Variants in PCDH15 observed in about 807,000 individuals in gnomAD.
PCDH15 encodes protocadherin-15.
In PCDH15, 129 loss-of-function variants were observed where a neutral mutation model predicts 178.5. That is an observed-to-expected ratio of 0.72 (90% confidence interval 0.63 to 0.84). The LOEUF is 0.84. Among genes scored for constraint, PCDH15 ranks in the 40% least tolerant of loss-of-function variants. The pLI is 0.00. For synonymous variants in PCDH15, 800 were observed against 732.0 expected (o/e 1.09, Z -1.50); for missense variants, 2,230 against 2,099.9 (o/e 1.06, Z -1.21).
chr10:54,049,945 T>C (rs2093732561), intron 18 of PCDH15, among the ~76,000 whole-genome samples: 1 of 152,188 alleles, frequency 6.6e-6, no homozygotes, highest in Non-Finnish European at 1.5e-5. Context: ...CTTTTTAGTA[T>C]GCTGTGAAAT....
At chr10:53,955,929 C>T (rs1372295571) in intron 23 of PCDH15, among the ~76,000 whole-genome samples, 1 of 152,070 alleles carries the variant, frequency 6.6e-6, no homozygotes, top group Non-Finnish European at 1.5e-5. Context: ...GTGTGTTGGC[C>T]TCTAAAGCAG....
At chr10:54,482,318 T>G (rs980911270) in intron 3 of PCDH15, among the ~76,000 whole-genome samples, 2 of 151,730 alleles carry the variant, frequency 1.3e-5, no homozygotes, top group Non-Finnish European at 2.9e-5. Flanking sequence ...CTGAAAAGGG[T>G]GAGTGCAATG....
intron 13 of PCDH15, 108 bp from the exon 14 acceptor site, chr10:54,153,401 A>G: frequency 8.0e-7 from 1 of 1,255,062 alleles, no homozygotes; most frequent in Non-Finnish European, 1.1e-6. Context: ...AAAACACAGG[A>G]AAGTTTCCTT....
chr10:54,021,375 C>A (rs1330566971), intron 19 of PCDH15, among the ~76,000 whole-genome samples: 1 of 151,994 alleles, frequency 6.6e-6, no homozygotes, highest in Non-Finnish European at 1.5e-5. Flanking sequence ...CAATTATTGA[C>A]TTAACAATCA....
Position 54,250,115 on chromosome 10 carries a change from C to G in PCDH15, c.877-13184G>C, listed in dbSNP as rs185011800. ...TGTATTATTGGTTTCACCATTTTGC[C>G]CAGGCTGGTCTCGAACTTCTGAGCT... On this transcript the variant is annotated intron_variant, in intron 8 of 37. Transcript: ENST00000644397. 5.7e-3 allele frequency among the ~76,000 whole-genome samples: 845 copies of G among 149,524 alleles called. 2 individuals are homozygous for G. The highest frequency in any genetic ancestry group is 0.01 in the Non-Finnish European group (683 of 67,732).
chr10:55,128,796 A>ATCTTTT (rs544696958), intron 2 of PCDH15, among the ~76,000 whole-genome samples: 87 of 151,826 alleles, frequency 5.7e-4, no homozygotes, highest in Non-Finnish European at 9.9e-4. Flanking sequence ...GAAGGCAGTC[A>ATCTTTT]TCAATAGAGA....
intron 2 of PCDH15, among the ~76,000 whole-genome samples, chr10:54,615,327 C>G (rs2093101754): frequency 6.6e-6 from 1 of 152,046 alleles, no homozygotes; most frequent in South Asian, 2.1e-4. Flanking sequence ...GAAGTATACT[C>G]AGTAGATTTT....
chr10:54,619,635 G>A (rs1287531365), intron 2 of PCDH15, among the ~76,000 whole-genome samples: 1 of 152,020 alleles, frequency 6.6e-6, no homozygotes, highest in Non-Finnish European at 1.5e-5. Context: ...AATTAAATAA[G>A]ATGTGCTCAC....
At chr10:54,183,136 C>T (rs543130106) in intron 13 of PCDH15, among the ~76,000 whole-genome samples, 2 of 152,210 alleles carry the variant, frequency 1.3e-5, no homozygotes, top group Admixed American at 1.3e-4. Context: ...CATGCGCCAC[C>T]ATACCCGGCT....
At chr10:54,612,714 T>C (rs763383045) in intron 2 of PCDH15, among the ~76,000 whole-genome samples, 29 of 151,780 alleles carry the variant, frequency 1.9e-4, no homozygotes, top group Admixed American at 1.3e-4. Flanking sequence ...AATTTAGTAT[T>C]ATGTCTTGTG....
chr10:54,770,956 C>A lies in PCDH15; in HGVS notation c.-29+29969G>T, dbSNP rs546055191. ...TTTTAGAATAGCCAGTTGGCTTTTG[C>A]AAAAGTATTAGATGATATCAATGTG... is the stretch of plus-strand genomic sequence containing the variant. On this transcript the variant is annotated intron_variant, in intron 1 of 37. Coordinates refer to ENST00000644397, the MANE Select transcript of PCDH15 (RefSeq NM_001384140.1). Among the ~76,000 whole-genome samples, 12 of 152,010 alleles carry A rather than the reference C, an allele frequency of 7.9e-5. No homozygotes were observed. In the East Asian group the frequency reaches 2.3e-3, roughly 29 times the overall value.
intron 1 of PCDH15, among the ~76,000 whole-genome samples, chr10:55,179,202 C>T (rs1034928171): frequency 6.6e-6 from 1 of 152,072 alleles, no homozygotes; most frequent in Non-Finnish European, 1.5e-5. Context: ...AGATATCTGA[C>T]AGCTGTTTTC....
At chr10:55,588,447 C>A (rs1842770190) in intron 2 of PCDH15, among the ~76,000 whole-genome samples, 1 of 151,886 alleles carries the variant, frequency 6.6e-6, no homozygotes, top group South Asian at 2.1e-4. Flanking sequence ...AAAAATGAAA[C>A]AATTAAAAGA....
chr10:53,968,229 C>G (rs552151404), intron 21 of PCDH15, among the ~76,000 whole-genome samples: 160 of 152,286 alleles, frequency 1.1e-3, no homozygotes, highest in African/African-American at 3.5e-3. Context: ...CAGAGGGTCC[C>G]ACACCCATGA....
Position 53,888,291 on chromosome 10 carries a change from CATAT to C in PCDH15, c.3501+14948_3501+14951del, listed in dbSNP as rs71004489. Among the ~76,000 whole-genome samples, 12 of 48,822 alleles carry C rather than the reference CATAT, an allele frequency of 2.5e-4. 1 individual carries two copies. The highest frequency in any genetic ancestry group is 5.0e-4 in the African/African-American group (10 of 19,906). 32.0% of individuals were successfully genotyped at this position (48,822 alleles called of 152,430 possible). A position where few individuals can be genotyped will look rare whatever the true frequency, so the allele number is the denominator to read the frequency against. On this transcript the variant is annotated intron_variant, in intron 26 of 37. Transcript: ENST00000644397. ...AATAAACATTCCAACACTATATATA[CATAT>C]ATATATATATATATGTATATATGTA...
intron 2 of PCDH15, among the ~76,000 whole-genome samples, chr10:54,598,919 A>G (rs893481446): frequency 1.2e-4 from 18 of 152,034 alleles, no homozygotes; most frequent in African/African-American, 4.3e-4. Context: ...GCTAACCAGA[A>G]AGGTGAAAGA....
chr10:54,693,380 G>A (rs573877922), intron 1 of PCDH15, among the ~76,000 whole-genome samples: 14 of 152,178 alleles, frequency 9.2e-5, no homozygotes, highest in African/African-American at 3.4e-4. Flanking sequence ...CCATGTGTTA[G>A]TTAATCCTAT....
chr10:55,226,336 A>G (rs922029893), intron 1 of PCDH15, among the ~76,000 whole-genome samples: 1 of 151,952 alleles, frequency 6.6e-6, no homozygotes, highest in Admixed American at 6.6e-5. Context: ...AATACTAACA[A>G]AACAGAATAG....
At chr10:53,834,210 C>T (rs1368540944) in intron 29 of PCDH15, among the ~76,000 whole-genome samples, 1 of 152,112 alleles carries the variant, frequency 6.6e-6, no homozygotes, top group African/African-American at 2.4e-5. Context: ...GGACAATTCT[C>T]ACGAGAGAAA....
Sources: gnomAD v4.1 joint callset for allele counts (sites outside exome capture counted in the v4.1 genomes callset) on GRCh38, gnomAD v4.1.1 for gene constraint, MANE v1.5 for transcripts, NCBI Gene and HGNC (gene_info 2026-07-23, HGNC 2026-07-21) for gene names.